Variants in TTN observed in about 807,000 individuals in gnomAD.
TTN encodes connectin.
In TTN, 1,525 loss-of-function variants were observed where a neutral mutation model predicts 3,223.0. That is an observed-to-expected ratio of 0.47 (90% CI 0.45 to 0.49). The LOEUF (loss-of-function observed/expected upper bound fraction) is 0.49, where lower values mean the gene tolerates loss of function less well. Among genes scored for constraint, TTN ranks in the 20% least tolerant of loss-of-function variants. The pLI, the probability that TTN is intolerant of heterozygous loss-of-function variation, is 0.00. For synonymous variants in TTN, 14,094 were observed against 15,161.0 expected, an observed-to-expected ratio of 0.93 and a Z score of 5.17; for missense variants, 40,786 against 43,424.0, an observed-to-expected ratio of 0.94 and a Z score of 5.40.
intron 12 of TTN, among the ~76,000 whole-genome samples, chr2:178,789,739 A>G (rs1389498538): frequency 1.3e-5 from 2 of 152,206 alleles, no homozygotes; most frequent in Non-Finnish European, 2.9e-5. Context: ...AAGCTAAAAA[A>G]TGCTAATCTT....
intron 316 of TTN, 174 bp from the exon 317 acceptor site, chr2:178,580,783 T>C (rs564850246): frequency 4.4e-6 from 3 of 689,008 alleles, no homozygotes; most frequent in Non-Finnish European, 6.9e-6. Flanking sequence ...TAATTGTTGA[T>C]CTTTCCATTT....
intron 20 of TTN, 40 bp downstream of exon 20, chr2:178,782,172 T>G: frequency 6.2e-7 from 1 of 1,610,844 alleles, no homozygotes; most frequent in Non-Finnish European, 8.5e-7. Flanking sequence ...GCACGTATTA[T>G]ACAAGTCACA....
At position 178,584,357 on chromosome 2, in the gene TTN, A is replaced by G. The variant is rs397517661; in HGVS notation, c.65194T>C (p.Phe21732Leu). ...AGLVEGLEYS[F>L]RIYALNKAGS... ...GCTTTGTTTAGGGCATAGATTCTGAATGAATACTCAAGACCTTCTACAAGG... is the reference window on the plus strand; with the variant it reads ...GCTTTGTTTAGGGCATAGATTCTGAGTGAATACTCAAGACCTTCTACAAGG... Residue 21732 changes from phenylalanine to leucine, a missense_variant, in exon 311 of 363, where the codon TTC becomes CTC. Phe to Leu is a conservative substitution (Grantham distance 22). Coordinates refer to ENST00000589042, the MANE Select transcript of TTN (RefSeq NM_001267550.2). 1.1e-4 allele frequency: 171 copies of G among 1,612,936 alleles called. 2 individuals are homozygous for G. In the South Asian group the frequency reaches 1.7e-3, roughly 16 times the overall value.
Position 178,688,235 on chromosome 2 carries a change from T to C in TTN, c.32198-11A>G, listed in dbSNP as rs773426178. ...CCTCCTCTGCAGATACTTTAAAAGA[T>C]AAGGTTTCATTTAAATTCAGCCTGC... On this transcript the variant is annotated splice_polypyrimidine_tract_variant and intron_variant, in intron 126 of 362. Transcript: ENST00000589042. 3.1e-6 allele frequency: 5 copies of C among 1,608,312 alleles called. No individual in the cohort carries two copies. Among genetic ancestry groups the C allele is most frequent in the African/African-American group, 1.3e-5 (1 of 74,982 alleles).
At chr2:178,760,510 C>T (rs980186647) in intron 43 of TTN, among the ~76,000 whole-genome samples, 1 of 152,152 alleles carries the variant, frequency 6.6e-6, no homozygotes, top group African/African-American at 2.4e-5. Context: ...GAGCAAGACT[C>T]CATCAAAATA....
At chr2:178,659,407 G>A (rs1361806236) in intron 180 of TTN, among the ~76,000 whole-genome samples, 152 bp from the exon 181 acceptor site, 12 of 140,888 alleles carry the variant, frequency 8.5e-5, no homozygotes, top group African/African-American at 1.5e-4. Context: ...ATCAATAAAC[G>A]TAATCCATCA....
chr2:178,572,552 T>G lies in TTN; in HGVS notation c.73580A>C (p.Lys24527Thr). The change falls in exon 326 of 363, where the codon AAG becomes ACG. Residue 24527 changes from lysine to threonine, a missense_variant. Physicochemically the swap from Lys to Thr is moderately conservative, Grantham distance 78 (BLOSUM62 -1). Coordinates refer to ENST00000589042, the MANE Select transcript of TTN (RefSeq NM_001267550.2). ...LDTPGPPQDLKVKEVTKTSVT... is the reference protein window; with the variant it reads ...LDTPGPPQDLTVKEVTKTSVT... ...AGATGTCTTAGTGACCTCTTTTACC[T>G]TCAGATCCTGTGGGGGGCCTGGTGT... The G allele has an allele frequency of 1.9e-6, 3 of 1,613,504 alleles. No homozygotes were observed. Among genetic ancestry groups the G allele is most frequent in the Non-Finnish European group, 2.5e-6 (3 of 1,179,622 alleles).
Position 178,684,709 on chromosome 2 carries a change from A to C in TTN, c.32595T>G (p.Val10865=). 1 of 1,613,506 alleles carries C rather than the reference A, an allele frequency of 6.2e-7. No individual in the cohort carries two copies. Among genetic ancestry groups the C allele is most frequent in the Non-Finnish European group, 8.5e-7 (1 of 1,179,666 alleles). ...EPKKPVPEKK[V]PPKVIKMEEP... Reference sequence around the variant, plus strand: ...CTTCCATCTTAATGACTTTTGGAGGAACCTTTTTTTCTGGAACTGGTTTCT... The same window carrying C: ...CTTCCATCTTAATGACTTTTGGAGGCACCTTTTTTTCTGGAACTGGTTTCT... Residue 10865 remains valine, a synonymous_variant, in exon 131 of 363, where the codon GTT becomes GTG. Transcript: ENST00000589042.
At position 178,736,038 on chromosome 2, in the gene TTN, G is replaced by C; in HGVS notation, c.14408C>G (p.Ser4803Cys). 6.2e-7 allele frequency: 1 copy of C among 1,606,374 alleles called. No individual in the cohort carries two copies. The highest frequency in any genetic ancestry group is 8.5e-7 in the Non-Finnish European group (1 of 1,175,738). Residue 4803 changes from serine to cysteine, a missense_variant, in exon 50 of 363, where the codon TCC (serine) becomes TGC (cysteine). Physicochemically the swap from Ser to Cys is moderately radical, Grantham distance 112 (BLOSUM62 -1). Transcript: ENST00000589042. ...TGCCTTACCCACAAAAGTTGTAAGG[G>C]ACTTAGGTCTGGAGAGAAAGGTTGG... ...YPPTFLSRPKSLTTFVGKAAK... is the reference protein window; with the variant it reads ...YPPTFLSRPKCLTTFVGKAAK...
At chr2:178,703,729 T>G (rs1179874795) in intron 106 of TTN, among the ~76,000 whole-genome samples, 1 of 152,226 alleles carries the variant, frequency 6.6e-6, no homozygotes, top group Non-Finnish European at 1.5e-5. Context: ...CATGTTTATG[T>G]TATCTATATA....
At chr2:178,705,836 A>G (rs1045474469) in intron 102 of TTN, among the ~76,000 whole-genome samples, 10 of 152,236 alleles carry the variant, frequency 6.6e-5, no homozygotes, top group Non-Finnish European at 1.5e-4. Context: ...CAGTTGTTTT[A>G]GAGAACCATT....
At chr2:178,653,199 G>C (rs746359909) in intron 198 of TTN, 39 bp downstream of exon 198, 12 of 1,610,802 alleles carry the variant, frequency 7.4e-6, no homozygotes, top group Non-Finnish European at 1.0e-5. Flanking sequence ...AACTGCAAAA[G>C]AATTAGATCA....
rs1169579696 is a variant in TTN, at chr2:178,594,642, T to A, written c.57852A>T (p.Val19284=). The change falls in exon 296 of 363, where the codon GTA becomes GTT. Residue 19284 remains valine (V), a synonymous_variant. Coordinates refer to ENST00000589042, the MANE Select transcript of TTN (RefSeq NM_001267550.2). ...CTTCCAGGTCTTCAGGACGCTCTGG[T>A]ACAGCTGCGAATATAAGTATAGGAA... The part of the protein sequence containing the change: ...EALVIREPIT[V]PERPEDLEVK... 1 of 1,597,276 alleles carries A rather than the reference T, an allele frequency of 6.3e-7. No homozygotes were observed. Among genetic ancestry groups the A allele is most frequent in the East Asian group, 2.2e-5 (1 of 44,554 alleles).
rs1217702371 is a variant in TTN at position 178,562,825 on chromosome 2, G to A, written c.83307C>T (p.Ala27769=). ...VNVRVLDSPS[A]PVNLTIREVK... ...CTTCTCTTATGGTCAAATTCACAGGGGCACTTGGTGAGTCAAGAACTCTGA... is the reference window on the plus strand; with the variant it reads ...CTTCTCTTATGGTCAAATTCACAGGAGCACTTGGTGAGTCAAGAACTCTGA... The change falls in exon 326 of 363, where the codon GCC becomes GCT. Residue 27769 remains alanine, a synonymous_variant. Coordinates refer to ENST00000589042, the MANE Select transcript of TTN (RefSeq NM_001267550.2). The A allele has an allele frequency of 2.5e-6, 4 of 1,612,938 alleles. No homozygotes were observed. The highest frequency in any genetic ancestry group is 3.4e-6 in the Non-Finnish European group (4 of 1,179,486).
rs878995292 is a variant in TTN, at chr2:178,671,102, G to A, written c.35296C>T (p.Pro11766Ser). Residue 11766 changes from proline (P) to serine (S), a missense_variant, in exon 156 of 363, where the codon CCA becomes TCA. By Grantham distance (74) the Pro-to-Ser change is moderately conservative (BLOSUM62 -1). Coordinates refer to ENST00000589042, the MANE Select transcript of TTN (RefSeq NM_001267550.2). ...PPTKVVPRKE[P>S]PAKVPEVPKK... Reference sequence around the variant, plus strand: ...ACAAAGAAGATACCTTTAGCTGGTGGCTCTTTTCGAGGAACAACTTTAGTG... The same window carrying A: ...ACAAAGAAGATACCTTTAGCTGGTGACTCTTTTCGAGGAACAACTTTAGTG... The A allele has an allele frequency of 6.2e-7, 1 of 1,605,768 alleles. No homozygotes were observed. The highest frequency in any genetic ancestry group is 1.3e-5 in the African/African-American group (1 of 74,292).
In TTN at chr2:178,636,612, G is replaced by T. The variant is rs1464625655; in HGVS notation, c.41115C>A (p.Ile13705=). 2 of 1,613,412 alleles carry T rather than the reference G, an allele frequency of 1.2e-6. No homozygotes were observed. Among genetic ancestry groups the T allele is most frequent in the Non-Finnish European group, 1.7e-6 (2 of 1,179,580 alleles). Residue 13705 remains isoleucine (I), a synonymous_variant, in exon 225 of 363, where the codon ATC becomes ATA. Transcript: ENST00000589042. The surrounding 1 kb of genome is among the most constrained non-coding windows in gnomAD (Gnocchi z 4.3). ...TESEFVGSSA[I]FECLVSPSTA... The stretch of plus-strand genomic sequence containing the variant: ...TGGAAGGGGAGACCAAACATTCAAA[G>T]ATTGCTGAAGAGCCAACGAACTCTG...
rs1406227768 is a variant in TTN, at chr2:178,561,273, A to G, written c.84859T>C (p.Tyr28287His). Reference sequence around the variant, plus strand: ...GGTAGTTCTCTGCGTTCAACAATGTATCCTGTGATCTTAGCTCCACCATCA... The same window carrying G: ...GGTAGTTCTCTGCGTTCAACAATGTGTCCTGTGATCTTAGCTCCACCATCA... ...HYDGGAKITG[Y>H]IVERRELPDG... Residue 28287 changes from tyrosine to histidine, a missense_variant, in exon 326 of 363, where the codon TAC (tyrosine) becomes CAC (histidine). Coordinates refer to ENST00000589042, the MANE Select transcript of TTN (RefSeq NM_001267550.2). 6.2e-7 allele frequency: 1 copy of G among 1,613,786 alleles called. No homozygotes were observed. The highest frequency in any genetic ancestry group is 8.5e-7 in the Non-Finnish European group (1 of 1,179,804).
chr2:178,688,379 G>A (rs1289320441), intron 126 of TTN, among the ~76,000 whole-genome samples, 155 bp from the exon 127 acceptor site: 1 of 152,236 alleles, frequency 6.6e-6, no homozygotes, highest in Non-Finnish European at 1.5e-5. Flanking sequence ...GCTAATTTAA[G>A]ATGAGGGCAA....
At position 178,578,860 on chromosome 2, in the gene TTN, A is replaced by G. The variant is rs756070724; in HGVS notation, c.68170T>C (p.Tyr22724His). The change falls in exon 320 of 363, where the codon TAT becomes CAT. Residue 22724 changes from tyrosine (Y) to histidine (H), a missense_variant. Transcript: ENST00000589042. ...GATTTCAGGCCTTCCCCTACACCATATTTATTTTCGGCACTGACCCTGAAG... is the reference window on the plus strand; with the variant it reads ...GATTTCAGGCCTTCCCCTACACCATGTTTATTTTCGGCACTGACCCTGAAG... The part of the protein sequence containing the change: ...YTFRVSAENK[Y>H]GVGEGLKSEP... 6 of 1,613,062 alleles carry G rather than the reference A, an allele frequency of 3.7e-6. No homozygotes were observed. The East Asian group carries it at 6.7e-5, about 18-fold the overall frequency.
Sources: allele counts gnomAD v4.1 joint callset (sites outside exome capture counted in the v4.1 genomes callset), GRCh38; gene constraint gnomAD v4.1.1; non-coding constraint Gnocchi (gnomAD v3.1); transcripts MANE v1.5; gene names NCBI Gene and HGNC (gene_info 2026-07-23, HGNC 2026-07-21).